The following PAQR5 variants were observed in gnomAD, a reference collection of about 807,000 sequenced individuals.
PAQR5 encodes the protein progestin and adipoQ receptor family member 5, also known as membrane progestin receptor gamma.
A neutral mutation model predicts 34.5 loss-of-function variants in PAQR5; 20 were observed. The ratio of observed to expected loss-of-function variants is 0.58; its 90% confidence interval spans 0.41 to 0.84. The LOEUF (loss-of-function observed/expected upper bound fraction) is 0.84, where lower values mean the gene tolerates loss of function less well. PAQR5 is among the 40% of genes least tolerant of loss of function. PAQR5 has a pLI of 0.00. For missense variants in PAQR5, 378 were observed against 412.7 expected (o/e 0.92, Z 0.73); for synonymous variants, 131 against 155.6 (o/e 0.84, Z 1.18).
At chr15:69,338,754 G>C (rs982123547) in intron 2 of PAQR5, among the ~76,000 whole-genome samples, 1 of 152,180 alleles carries the variant, frequency 6.6e-6, no homozygotes, top group African/African-American at 2.4e-5. Context: ...ACTCCATCTT[G>C]CTTCTAACCT....
intron 1 of PAQR5, chr15:69,314,432 G>C (rs973590528): frequency 6.6e-6 from 1 of 152,170 alleles, no homozygotes; most frequent in Non-Finnish European, 1.5e-5. Context: ...CTCTGGACCC[G>C]CGATCAGCTC....
chr15:69,326,593 C>A (rs1210188559), intron 1 of PAQR5, among the ~76,000 whole-genome samples: 2 of 152,172 alleles, frequency 1.3e-5, no homozygotes, highest in African/African-American at 4.8e-5. Flanking sequence ...CCCGCCACCA[C>A]ATCTGTCTAA....
intron 2 of PAQR5, among the ~76,000 whole-genome samples, chr15:69,343,979 A>G (rs2054703162): frequency 6.6e-6 from 1 of 152,162 alleles, no homozygotes; most frequent in African/African-American, 2.4e-5. Context: ...GACCACAGGC[A>G]CATGCCACCA....
chr15:69,301,469 A>G (rs990813344), intron 1 of PAQR5, among the ~76,000 whole-genome samples: 1 of 152,158 alleles, frequency 6.6e-6, no homozygotes, highest in Non-Finnish European at 1.5e-5. Context: ...TGGGGGTAAG[A>G]ATTGGAATTG....
intron 6 of PAQR5, among the ~76,000 whole-genome samples, chr15:69,394,558 GC>G (rs2056361465): frequency 6.6e-6 from 1 of 152,184 alleles, no homozygotes; most frequent in African/African-American, 2.4e-5. Context: ...AATCCTTCCA[GC>G]TTTTTTGTCA....
intron 2 of PAQR5, among the ~76,000 whole-genome samples, chr15:69,348,578 T>C (rs59172719): frequency 0.022 from 3,330 of 152,192 alleles, 124 homozygotes; most frequent in African/African-American, 0.076. Context: ...ATGTGTTAGT[T>C]GGGTACTGTG....
chr15:69,380,752 G>A (rs550320191), intron 4 of PAQR5, among the ~76,000 whole-genome samples: 1 of 152,360 alleles, frequency 6.6e-6, no homozygotes, highest in African/African-American at 2.4e-5. Context: ...GAAGAACTCA[G>A]AGGCCATTCA....
At chr15:69,304,521 T>C (rs906057900) in intron 1 of PAQR5, among the ~76,000 whole-genome samples, 1 of 152,196 alleles carries the variant, frequency 6.6e-6, no homozygotes, top group African/African-American at 2.4e-5. Flanking sequence ...ACAATCATTT[T>C]TGGCATCTAG....
chr15:69,352,190 C>T (rs1181518553), intron 2 of PAQR5, among the ~76,000 whole-genome samples: 1 of 152,206 alleles, frequency 6.6e-6, no homozygotes, highest in Non-Finnish European at 1.5e-5. Flanking sequence ...CCTTTTGGAG[C>T]AAGGCCTTGC....
At chr15:69,330,677 C>T (rs150573492) in intron 1 of PAQR5, among the ~76,000 whole-genome samples, 2 of 152,150 alleles carry the variant, frequency 1.3e-5, no homozygotes, top group African/African-American at 4.8e-5. Flanking sequence ...TGGTTACCCA[C>T]CCCCCAACCA....
chr15:69,360,196 G>C lies in PAQR5; in HGVS notation c.51+65G>C, dbSNP rs918163854. ...GTGACCAGGGCTTGGCCTCCGCAAT[G>C]GGGGGCTGTTGTCTTCACCTAGTCT... On this transcript the variant is annotated intron_variant, in intron 3 of 8. Transcript: ENST00000395407. The C allele has an allele frequency of 1.2e-5, 15 of 1,253,930 alleles. No homozygotes were observed. The African/African-American group carries it at 1.8e-4, about 15-fold the overall frequency. 77.7% of individuals were successfully genotyped at this position (1,253,930 alleles called of 1,614,324 possible).
chr15:69,333,928 T>C (rs1291389857), intron 1 of PAQR5, among the ~76,000 whole-genome samples: 1 of 152,206 alleles, frequency 6.6e-6, no homozygotes, highest in Non-Finnish European at 1.5e-5. Flanking sequence ...GTTAATTGGC[T>C]TAGAAATATA....
intron 5 of PAQR5, among the ~76,000 whole-genome samples, chr15:69,387,038 G>A (rs1042912653): frequency 2.0e-5 from 3 of 149,600 alleles, no homozygotes; most frequent in African/African-American, 4.9e-5. Context: ...CCTGCTGTAA[G>A]CGGCACTGCC....
At chr15:69,306,411 C>CA (rs1460815571) in intron 1 of PAQR5, among the ~76,000 whole-genome samples, 1 of 117,782 alleles carries the variant, frequency 8.5e-6, no homozygotes, top group Non-Finnish European at 1.9e-5. Flanking sequence ...TACCATTTAA[C>CA]CTTTTTTTTT....
At chr15:69,398,316 G>A (rs992164430) in intron 7 of PAQR5, among the ~76,000 whole-genome samples, 1 of 152,100 alleles carries the variant, frequency 6.6e-6, no homozygotes, top group Non-Finnish European at 1.5e-5. Flanking sequence ...GAAAGTCCAC[G>A]CACTTTCAAA....
intron 1 of PAQR5, among the ~76,000 whole-genome samples, chr15:69,329,823 C>T (rs1020416616): frequency 2.6e-5 from 4 of 151,974 alleles, no homozygotes; most frequent in South Asian, 2.1e-4. Flanking sequence ...AAGTTTTTGC[C>T]GCTGATGGCT....
At chr15:69,313,429 A>G (rs933023374) in intron 1 of PAQR5, among the ~76,000 whole-genome samples, 5 of 151,988 alleles carry the variant, frequency 3.3e-5, no homozygotes, top group African/African-American at 1.2e-4. Flanking sequence ...GGGCCCAGGG[A>G]GCTGAAGCTG....
chr15:69,333,655 G>A (rs188118565), intron 1 of PAQR5, among the ~76,000 whole-genome samples: 33 of 152,302 alleles, frequency 2.2e-4, no homozygotes, highest in African/African-American at 7.7e-4. Context: ...TTTCCCTCCT[G>A]TTGGGGATCC....
At chr15:69,381,452 A>C (rs2055882040) in intron 4 of PAQR5, among the ~76,000 whole-genome samples, 1 of 152,212 alleles carries the variant, frequency 6.6e-6, no homozygotes, top group Non-Finnish European at 1.5e-5. Flanking sequence ...TGGATGAATC[A>C]TGGTTGATTT....
Sources: gnomAD v4.1 joint callset for allele counts (sites outside exome capture counted in the v4.1 genomes callset) on GRCh38, gnomAD v4.1.1 for gene constraint, MANE v1.5 for transcripts, NCBI Gene and HGNC (gene_info 2026-07-23, HGNC 2026-07-21) for gene names.